Variants in COL5A2 observed in about 807,000 individuals in gnomAD.
The protein encoded by COL5A2 is collagen type V alpha 2 chain, also known as collagen alpha-2(V) chain.
A neutral mutation model predicts 208.2 loss-of-function variants in COL5A2; 23 were observed. That is an observed-to-expected ratio of 0.11 (90% CI 0.08 to 0.16). COL5A2 has a LOEUF of 0.16. Among genes scored for constraint, COL5A2 ranks in the 10% least tolerant of loss-of-function variants. The pLI is 1.00. For synonymous variants in COL5A2, 625 were observed against 628.5 expected (o/e 0.99, Z 0.08); for missense variants, 1,590 against 1,956.4 (o/e 0.81, Z 3.53).
rs148218868 is a variant in COL5A2, at chr2:189,121,298, T to G, written c.98-10849A>C. On this transcript the variant is annotated intron_variant, in intron 1 of 53. Coordinates refer to ENST00000374866, the MANE Select transcript of COL5A2 (RefSeq NM_000393.5). ...TTCATTTCCAAGGTGTATAATATTG[T>G]TACTCCTGGCTCCTTCCTGGTAATT... 4.0e-3 allele frequency among the ~76,000 whole-genome samples: 604 copies of G among 152,254 alleles called. 6 individuals are homozygous for G. Among genetic ancestry groups the G allele is most frequent in the African/African-American group, 0.014 (571 of 41,536 alleles).
intron 49 of COL5A2, among the ~76,000 whole-genome samples, 186 bp from the exon 50 acceptor site, chr2:189,041,879 C>T (rs1685568919): frequency 6.6e-6 from 1 of 152,202 alleles, no homozygotes; most frequent in Non-Finnish European, 1.5e-5. Context: ...TAAGAATTTT[C>T]CATCATCCAT....
chr2:189,144,034 GA>G (rs905878008), intron 1 of COL5A2, among the ~76,000 whole-genome samples: 1 of 151,566 alleles, frequency 6.6e-6, no homozygotes, highest in Admixed American at 6.6e-5. Context: ...TTTAGAGGAG[GA>G]AAAAAAAGAA....
At chr2:189,084,066 G>A in intron 11 of COL5A2, 29 bp from the exon 12 acceptor site, 3 of 1,505,750 alleles carry the variant, frequency 2.0e-6, no homozygotes, top group Non-Finnish European at 1.8e-6. Flanking sequence ...AGGAGATTGG[G>A]AAGGCAAAAG....
chr2:189,058,278 A>G, intron 33 of COL5A2, 151 bp downstream of exon 33: 2 of 722,910 alleles, frequency 2.8e-6, no homozygotes, highest in South Asian at 1.6e-5. Context: ...GAAAAAGCCT[A>G]GTAAGCGCTC....
chr2:189,242,604 T>C, the COL5A2 span, among the ~76,000 whole-genome samples: 6 of 152,218 alleles, frequency 3.9e-5, no homozygotes, highest in African/African-American at 1.4e-4. Flanking sequence ...CAAGTTTTGC[T>C]TCCTTCCATT....
At chr2:189,054,138 A>T (rs1445620550) in intron 36 of COL5A2, 21 bp downstream of exon 36, 2 of 1,611,220 alleles carry the variant, frequency 1.2e-6, no homozygotes, top group South Asian at 1.1e-5. Flanking sequence ...TGAGTGTACA[A>T]ATTAACAACT....
intron 51 of COL5A2, among the ~76,000 whole-genome samples, chr2:189,038,136 T>TA (rs60263838): frequency 0.095 from 14,521 of 152,182 alleles, 722 homozygotes; most frequent in South Asian, 0.15. Context: ...GTCACCCAGG[T>TA]AGTGAGCATA....
At chr2:189,341,000 C>T in the COL5A2 span, among the ~76,000 whole-genome samples, 8 of 152,094 alleles carry the variant, frequency 5.3e-5, no homozygotes, top group East Asian at 1.9e-4. Context: ...TTACAATATA[C>T]GAGCACTCTA....
the COL5A2 span, among the ~76,000 whole-genome samples, chr2:189,234,183 T>G: frequency 7.2e-5 from 11 of 151,752 alleles, no homozygotes; most frequent in African/African-American, 2.6e-4. Context: ...ATCTATTAAC[T>G]TCCTCCTAAG....
At chr2:189,289,017 A>G in the COL5A2 span, among the ~76,000 whole-genome samples, 9 of 152,182 alleles carry the variant, frequency 5.9e-5, no homozygotes, top group Non-Finnish European at 8.8e-5. Flanking sequence ...CATTTCGCTG[A>G]AAGTTTCAAC....
chr2:189,432,978 G>C, the COL5A2 span, among the ~76,000 whole-genome samples: 2 of 151,872 alleles, frequency 1.3e-5, no homozygotes, highest in Non-Finnish European at 2.9e-5. Context: ...CACAACAAAT[G>C]GTCTCTCAGA....
the COL5A2 span, among the ~76,000 whole-genome samples, chr2:189,347,560 T>C: frequency 6.6e-6 from 1 of 152,188 alleles, no homozygotes; most frequent in Non-Finnish European, 1.5e-5. Context: ...AAATCTATGA[T>C]TACTGGGCTT....
the COL5A2 span, among the ~76,000 whole-genome samples, chr2:189,385,188 G>A: frequency 6.6e-6 from 1 of 152,070 alleles, no homozygotes; most frequent in African/African-American, 2.4e-5. Flanking sequence ...AAGAAAAGAA[G>A]GAGTTAGACT....
chr2:189,408,530 CAGAGAATAAAATTCAGTGGCCA>C, the COL5A2 span, among the ~76,000 whole-genome samples: 5 of 152,118 alleles, frequency 3.3e-5, no homozygotes, highest in Non-Finnish European at 5.9e-5. Flanking sequence ...GAAAGCAACT[CAGAGAATAAAATTCAGTGGCCA>C]TGGTGACCAT....
At chr2:189,424,937 C>T in the COL5A2 span, among the ~76,000 whole-genome samples, 2 of 152,116 alleles carry the variant, frequency 1.3e-5, no homozygotes, top group African/African-American at 4.8e-5. Flanking sequence ...ACCCAACAGC[C>T]GTGGTACTAA....
chr2:189,149,512 G>A (rs542445289), intron 1 of COL5A2, among the ~76,000 whole-genome samples: 242 of 152,198 alleles, frequency 1.6e-3, no homozygotes, highest in African/African-American at 5.6e-3. Flanking sequence ...CACATGGAAT[G>A]CAATTTCATT....
intron 1 of COL5A2, among the ~76,000 whole-genome samples, chr2:189,216,862 C>A (rs952199829): frequency 6.6e-6 from 1 of 151,982 alleles, no homozygotes; most frequent in Admixed American, 6.6e-5. Flanking sequence ...ATTAATGGGT[C>A]TAATGAAACC....
the COL5A2 span, among the ~76,000 whole-genome samples, chr2:189,315,038 TC>T: frequency 6.6e-6 from 1 of 152,154 alleles, no homozygotes; most frequent in Admixed American, 6.5e-5. Context: ...TTGCAACTAT[TC>T]CAAAATGTTG....
At chr2:189,291,865 G>A in the COL5A2 span, among the ~76,000 whole-genome samples, 2 of 151,782 alleles carry the variant, frequency 1.3e-5, no homozygotes, top group African/African-American at 2.4e-5. Context: ...TACTGAAAAT[G>A]TATTAATTTA....
Sources: gnomAD v4.1 joint callset for allele counts (sites outside exome capture counted in the v4.1 genomes callset) on GRCh38, gnomAD v4.1.1 for gene constraint, MANE v1.5 for transcripts, NCBI Gene and HGNC (gene_info 2026-07-23, HGNC 2026-07-21) for gene names.